CPEB3: variants seen among roughly 807,000 people sequenced by gnomAD.
CPEB3 encodes cytoplasmic polyadenylation element binding protein 3, also known as cytoplasmic polyadenylation element-binding protein 3.
CPEB3 carries 20 observed loss-of-function variants against 67.2 expected under a neutral mutation model. That is an observed-to-expected ratio of 0.30 (90% CI 0.21 to 0.43). CPEB3 has a LOEUF of 0.43. Ranked by LOEUF, CPEB3 falls within the 20% of genes least tolerant of loss-of-function variation. The probability of loss-of-function intolerance (pLI) is 1.00; values close to 1 mark genes in which losing one functional copy is unlikely to be tolerated. For synonymous variants in CPEB3, 376 were observed against 393.1 expected, an observed-to-expected ratio of 0.96 and a Z score of 0.51; for missense variants, 746 against 968.6, an observed-to-expected ratio of 0.77 and a Z score of 3.05.
At chr10:92,133,978 T>C (rs1845968322) in intron 6 of CPEB3, among the ~76,000 whole-genome samples, 1 of 152,198 alleles carries the variant, frequency 6.6e-6, no homozygotes, top group Admixed American at 6.5e-5. Flanking sequence ...CCCTTCATGC[T>C]AAAAACTCTC....
intron 3 of CPEB3, among the ~76,000 whole-genome samples, chr10:92,186,317 G>A (rs1848687219): frequency 6.6e-6 from 1 of 152,012 alleles, no homozygotes; most frequent in South Asian, 2.1e-4. Flanking sequence ...TTGAGCCCGG[G>A]AGGTGACGAC....
intron 7 of CPEB3, among the ~76,000 whole-genome samples, chr10:92,099,580 G>A (rs855711): frequency 0.013 from 1,974 of 150,606 alleles, 46 homozygotes; most frequent in African/African-American, 0.046. Context: ...TTGGCCAGGC[G>A]TGGTGGCTCA....
intron 9 of CPEB3, among the ~76,000 whole-genome samples, chr10:92,061,826 G>A (rs1387120268): frequency 6.6e-6 from 1 of 152,170 alleles, no homozygotes; most frequent in African/African-American, 2.4e-5. Flanking sequence ...AATAAGGAGT[G>A]TAATTGGATT....
chr10:92,053,806 G>A (rs1489627461), intron 9 of CPEB3, among the ~76,000 whole-genome samples: 1 of 151,938 alleles, frequency 6.6e-6, no homozygotes, highest in Non-Finnish European at 1.5e-5. Flanking sequence ...CTCCCAAAGT[G>A]CTGGGATTAC....
chr10:92,225,845 T>A (rs867923736), intron 2 of CPEB3, among the ~76,000 whole-genome samples: 1 of 152,318 alleles, frequency 6.6e-6, no homozygotes, highest in African/African-American at 2.4e-5. Flanking sequence ...ACGCCTGTAA[T>A]CCCAGCACTT....
intron 4 of CPEB3, among the ~76,000 whole-genome samples, chr10:92,158,075 GCATGTAAA>G (rs1847291661): frequency 6.6e-6 from 1 of 151,734 alleles, no homozygotes; most frequent in African/African-American, 2.4e-5. Flanking sequence ...GCTCCTGGCT[GCATGTAAA>G]CATAGAAGAA....
chr10:92,250,356 G>A (rs1323773129), intron 1 of CPEB3, among the ~76,000 whole-genome samples: 8 of 151,690 alleles, frequency 5.3e-5, no homozygotes, highest in Non-Finnish European at 1.2e-4. Context: ...CAAAGTGCTG[G>A]GATTTATAGG....
intron 2 of CPEB3, among the ~76,000 whole-genome samples, chr10:92,209,798 G>A (rs552526328): frequency 4.3e-4 from 66 of 151,812 alleles, no homozygotes; most frequent in Non-Finnish European, 7.1e-4. Flanking sequence ...TTAGCTGGGC[G>A]TGGTAGCAGG....
chr10:92,095,582 TTATA>T (rs372481233), intron 7 of CPEB3, among the ~76,000 whole-genome samples: 1 of 122,488 alleles, frequency 8.2e-6, no homozygotes, highest in African/African-American at 4.0e-5. Context: ...TGGTCCTGAT[TTATA>T]TATATATATA....
intron 9 of CPEB3, among the ~76,000 whole-genome samples, chr10:92,062,770 T>A (rs1842403173): frequency 6.6e-6 from 1 of 152,256 alleles, no homozygotes; most frequent in Non-Finnish European, 1.5e-5. Context: ...ATCATTAACC[T>A]ATGATACTTT....
intron 6 of CPEB3, chr10:92,138,421 T>C (rs1364599730): frequency 6.2e-6 from 1 of 160,158 alleles, no homozygotes; most frequent in African/African-American, 2.4e-5. Context: ...CTTGGGAAAC[T>C]GAGGAGCAGC....
chr10:92,112,407 A>T (rs759197485), intron 6 of CPEB3, among the ~76,000 whole-genome samples: 1 of 152,124 alleles, frequency 6.6e-6, no homozygotes, highest in Non-Finnish European at 1.5e-5. Flanking sequence ...GGCCTCCCAA[A>T]GTGCTGGGAT....
intron 9 of CPEB3, among the ~76,000 whole-genome samples, chr10:92,073,036 GTCTT>G (rs1842807914): frequency 8.8e-6 from 1 of 113,676 alleles, no homozygotes; most frequent in African/African-American, 3.4e-5. Context: ...ATGAATCTCT[GTCTT>G]TTTTTTTTTT....
At chr10:92,053,377 T>C (rs1564741199) in intron 9 of CPEB3, among the ~76,000 whole-genome samples, 1 of 152,046 alleles carries the variant, frequency 6.6e-6, no homozygotes, top group Non-Finnish European at 1.5e-5. Context: ...TTAATTATTA[T>C]TTTTTGAGAT....
At chr10:92,131,975 A>C (rs921566873) in intron 6 of CPEB3, among the ~76,000 whole-genome samples, 1 of 152,242 alleles carries the variant, frequency 6.6e-6, no homozygotes, top group African/African-American at 2.4e-5. Flanking sequence ...AGGTAAAAAG[A>C]AACAAGTGAA....
At chr10:92,082,116 A>T (rs534578432) in intron 8 of CPEB3, among the ~76,000 whole-genome samples, 70 of 152,354 alleles carry the variant, frequency 4.6e-4, no homozygotes, top group Admixed American at 9.1e-4. Flanking sequence ...AGTAATGATA[A>T]TAGCCACAAT....
At chr10:92,276,226 G>A (rs575820545) in intron 1 of CPEB3, among the ~76,000 whole-genome samples, 29 of 150,882 alleles carry the variant, frequency 1.9e-4, no homozygotes, top group African/African-American at 7.0e-4. Flanking sequence ...ATGGACAATT[G>A]GGTTGTTTCC....
intron 7 of CPEB3, among the ~76,000 whole-genome samples, chr10:92,095,605 T>A (rs1366133688): frequency 0.12 from 16,597 of 143,016 alleles, 3,611 homozygotes; most frequent in African/African-American, 0.43. Context: ...TATATATTTT[T>A]TTTTTTTCAT....
chr10:92,093,058 C>T (rs1304803736), intron 7 of CPEB3, among the ~76,000 whole-genome samples: 1 of 152,080 alleles, frequency 6.6e-6, no homozygotes, highest in African/African-American at 2.4e-5. Context: ...ATATACAAAA[C>T]CTTAAAACAT....
Sources: allele counts gnomAD v4.1 joint callset (sites outside exome capture counted in the v4.1 genomes callset), GRCh38; gene constraint gnomAD v4.1.1; transcripts MANE v1.5; gene names NCBI Gene and HGNC (gene_info 2026-07-23, HGNC 2026-07-21).